Variants in LYG1 observed in about 807,000 individuals in gnomAD.
LYG1 encodes lysozyme g-like protein 1.
LYG1 carries 17 observed loss-of-function variants against 21.7 expected under a neutral mutation model. That is an observed-to-expected ratio of 0.78 (90% CI 0.54 to 1.18). LYG1 has a LOEUF of 1.18. LYG1 is among the 50% of genes most tolerant of loss of function. The probability of loss-of-function intolerance (pLI) is 0.00; values close to 1 mark genes in which losing one functional copy is unlikely to be tolerated. For missense variants in LYG1, 211 were observed against 238.1 expected (o/e 0.89, Z 0.75); for synonymous variants, 81 against 87.4 (o/e 0.93, Z 0.41).
chr2:99,285,944 C>G (rs762028874), intron 5 of LYG1, among the ~76,000 whole-genome samples: 1 of 152,212 alleles, frequency 6.6e-6, no homozygotes, highest in Non-Finnish European at 1.5e-5. Flanking sequence ...CATGTTGAAA[C>G]TTAATCCCCG....
chr2:99,296,454 T>C (rs1456164536), intron 2 of LYG1, among the ~76,000 whole-genome samples: 6 of 152,194 alleles, frequency 3.9e-5, no homozygotes, highest in African/African-American at 1.4e-4. Context: ...CACCCGCTCA[T>C]GTGCTCTCTC....
chr2:99,299,979 T>C (rs1334212978), intron 1 of LYG1, among the ~76,000 whole-genome samples: 1 of 151,772 alleles, frequency 6.6e-6, no homozygotes, highest in Admixed American at 6.6e-5. Context: ...CTCCAGCCCA[T>C]TGCCTCACAG....
chr2:99,292,293 T>A (rs940309417), intron 4 of LYG1, among the ~76,000 whole-genome samples: 3 of 151,786 alleles, frequency 2.0e-5, no homozygotes, highest in Non-Finnish European at 4.4e-5. Flanking sequence ...TCAAAAAAAA[T>A]AAATAAAAAT....
chr2:99,295,323 G>A (rs2094133344), intron 3 of LYG1, among the ~76,000 whole-genome samples: 2 of 152,096 alleles, frequency 1.3e-5, no homozygotes, highest in African/African-American at 4.8e-5. Flanking sequence ...AAATGCTTTA[G>A]GAATAAATTC....
chr2:99,284,900 T>C, intron 5 of LYG1, 80 bp from the exon 6 acceptor site: 1 of 1,538,374 alleles, frequency 6.5e-7, no homozygotes, highest in Non-Finnish European at 8.8e-7. Flanking sequence ...ATGGCGCTTG[T>C]TCATTTCCTG....
intron 3 of LYG1, among the ~76,000 whole-genome samples, chr2:99,294,105 G>A (rs1344837799): frequency 2.6e-5 from 4 of 151,968 alleles, no homozygotes; most frequent in African/African-American, 9.7e-5. Context: ...GAAGAGATGG[G>A]GTTTTGCCTT....
At chr2:99,304,521 G>A (rs2094161723), upstream of LYG1, 3 of 152,432 alleles carry the variant, frequency 2.0e-5, no homozygotes, top group South Asian at 4.1e-4. Flanking sequence ...CTATTTTAGA[G>A]GTGGAATTGA....
chr2:99,299,292 T>C (rs192762783), intron 1 of LYG1, among the ~76,000 whole-genome samples: 10 of 149,164 alleles, frequency 6.7e-5, no homozygotes, highest in South Asian at 4.2e-4. Flanking sequence ...TTCTTTTTTT[T>C]TTTTTTTTAA....
At chr2:99,284,858 G>A in intron 5 of LYG1, 38 bp from the exon 6 acceptor site, 2 of 1,606,294 alleles carry the variant, frequency 1.2e-6, no homozygotes, top group Non-Finnish European at 1.7e-6. Flanking sequence ...CACGTAAGCT[G>A]GGTGGGAGGG....
At chr2:99,301,717 CA>C (rs10688800), upstream of LYG1, among the ~76,000 whole-genome samples, 8 of 143,682 alleles carry the variant, frequency 5.6e-5, no homozygotes, top group South Asian at 2.3e-4. Flanking sequence ...GACTGTGTTC[CA>C]AAAAAAAAAC....
At chr2:99,292,497 G>T in intron 4 of LYG1, 39 bp downstream of exon 4, 2 of 1,460,250 alleles carry the variant, frequency 1.4e-6, no homozygotes, top group Non-Finnish European at 1.9e-6. Context: ...AACAGTGAAA[G>T]CCGGGGGATA....
At chr2:99,286,757 T>A (rs139514217) in intron 5 of LYG1, among the ~76,000 whole-genome samples, 2 of 152,156 alleles carry the variant, frequency 1.3e-5, no homozygotes, top group African/African-American at 4.8e-5. Context: ...AGTAATCCCC[T>A]TTCTGGGTAT....
Position 99,298,440 on chromosome 2 carries a change from G to A in LYG1, c.-33+19C>T, listed in dbSNP as rs1417851357. ...TCATGTTCCTGGTGGCTTTGATGGG[G>A]ACATCTTCCTCTACTCACCCTCTCT... is the stretch of plus-strand genomic sequence containing the variant. On this transcript the variant is annotated intron_variant, in intron 2 of 6. Coordinates refer to ENST00000308528, the MANE Select transcript of LYG1 (RefSeq NM_174898.3). 1.3e-5 allele frequency: 2 copies of A among 152,210 alleles called. No homozygotes were observed. Among genetic ancestry groups the A allele is most frequent in the African/African-American group, 4.8e-5 (2 of 41,438 alleles). The allele number at this position is 152,210 out of a possible 1,614,324, so 9.4% of individuals were successfully genotyped here. A position where few individuals can be genotyped will look rare whatever the true frequency, so the allele number is the denominator to read the frequency against.
intron 2 of LYG1, among the ~76,000 whole-genome samples, chr2:99,296,768 T>G (rs916366838): frequency 2.6e-5 from 4 of 152,206 alleles, no homozygotes; most frequent in African/African-American, 9.7e-5. Flanking sequence ...ATAATGCTTC[T>G]CTCATCTCTT....
At chr2:99,294,493 A>T (rs1355964453) in intron 3 of LYG1, among the ~76,000 whole-genome samples, 1 of 141,546 alleles carries the variant, frequency 7.1e-6, no homozygotes, top group Non-Finnish European at 1.5e-5. Flanking sequence ...TATACTAAAA[A>T]TTAAACCAGC....
intron 4 of LYG1, 89 bp downstream of exon 4, chr2:99,292,447 C>T: frequency 1.0e-6 from 1 of 973,924 alleles, no homozygotes; most frequent in South Asian, 1.4e-5. Context: ...GACCCCATAC[C>T]CGGAACTCTT....
chr2:99,296,622 C>G (rs1464236614), intron 2 of LYG1, among the ~76,000 whole-genome samples: 1 of 152,180 alleles, frequency 6.6e-6, no homozygotes, highest in Non-Finnish European at 1.5e-5. Context: ...CTCCAAAGCG[C>G]CTCCCACCAA....
chr2:99,302,257 TC>T (rs1243510652), upstream of LYG1, among the ~76,000 whole-genome samples: 1 of 152,264 alleles, frequency 6.6e-6, no homozygotes, highest in East Asian at 1.9e-4. Context: ...TTCTTCTGCA[TC>T]CCCTGCCTTA....
rs1057061814 is a variant in LYG1, at chr2:99,292,012, C to T, written c.148+524G>A. ...GGTTTAAAAAGCACCCTCGGCCGGG[C>T]GCAGTGGCTCACACCTGTAATCCCA... On this transcript the variant is annotated intron_variant, in intron 4 of 6. Coordinates refer to ENST00000308528, the MANE Select transcript of LYG1 (RefSeq NM_174898.3). Among the ~76,000 whole-genome samples the T allele has an allele frequency of 3.9e-5, 6 of 152,222 alleles. No individual in the cohort carries two copies. In the East Asian group the frequency reaches 5.8e-4, roughly 15 times the overall value.
Sources: gnomAD v4.1 joint callset for allele counts (sites outside exome capture counted in the v4.1 genomes callset) on GRCh38, gnomAD v4.1.1 for gene constraint, MANE v1.5 for transcripts, NCBI Gene and HGNC (gene_info 2026-07-23, HGNC 2026-07-21) for gene names.